Variants in FBXL7 observed in about 807,000 individuals in gnomAD.
FBXL7 encodes F-box/LRR-repeat protein 7.
A neutral mutation model predicts 38.3 loss-of-function variants in FBXL7; 12 were observed. That is an observed-to-expected ratio of 0.31 (90% CI 0.20 to 0.51). The LOEUF (loss-of-function observed/expected upper bound fraction) is 0.51, where lower values mean the gene tolerates loss of function less well. Ranked by LOEUF, FBXL7 falls within the 20% of genes least tolerant of loss-of-function variation. FBXL7 has a pLI of 0.98. For synonymous variants in FBXL7, 297 were observed against 300.9 expected, an observed-to-expected ratio of 0.99 and a Z score of 0.13; for missense variants, 567 against 676.4, an observed-to-expected ratio of 0.84 and a Z score of 1.79.
At chr5:15,933,239 A>G (rs78002336) in intron 3 of FBXL7, among the ~76,000 whole-genome samples, 1 of 152,210 alleles carries the variant, frequency 6.6e-6, no homozygotes, top group Non-Finnish European at 1.5e-5. Context: ...CCTATAAAAT[A>G]GTCTCTTTAC....
At chr5:15,873,869 C>T (rs974164000) in intron 2 of FBXL7, among the ~76,000 whole-genome samples, 1 of 152,184 alleles carries the variant, frequency 6.6e-6, no homozygotes, top group African/African-American at 2.4e-5. Context: ...CCTTCTGAAA[C>T]TATTCCAAAC....
chr5:15,878,864 T>C (rs568699755), intron 2 of FBXL7, among the ~76,000 whole-genome samples: 4 of 152,326 alleles, frequency 2.6e-5, no homozygotes, highest in Admixed American at 2.0e-4. Flanking sequence ...GAACTCTGGC[T>C]ACATCTCCCC....
chr5:15,894,863 T>G (rs1487110426), intron 2 of FBXL7, among the ~76,000 whole-genome samples: 1 of 151,126 alleles, frequency 6.6e-6, no homozygotes, highest in Non-Finnish European at 1.5e-5. Flanking sequence ...TTTTTTAAGG[T>G]TTTTTTTTCT....
chr5:15,743,471 A>T (rs1735940886), intron 2 of FBXL7, among the ~76,000 whole-genome samples: 1 of 152,196 alleles, frequency 6.6e-6, no homozygotes. Flanking sequence ...GGGTGTGCTG[A>T]TGCAAGAGGT....
chr5:15,913,003 A>G (rs6878591), intron 2 of FBXL7, among the ~76,000 whole-genome samples: 90,780 of 152,024 alleles, frequency 0.6, 27,902 homozygotes, highest in East Asian at 0.69. Context: ...TAAGTGTACT[A>G]AGTCTCTTTA....
chr5:15,865,211 G>A (rs1425543618), intron 2 of FBXL7, among the ~76,000 whole-genome samples: 1 of 152,164 alleles, frequency 6.6e-6, no homozygotes, highest in East Asian at 1.9e-4. Flanking sequence ...CAGCTTCTGT[G>A]GGAGAGGAGT....
chr5:15,611,375 T>C (rs1324052569), intron 1 of FBXL7, among the ~76,000 whole-genome samples: 3 of 150,568 alleles, frequency 2.0e-5, no homozygotes, highest in African/African-American at 7.3e-5. Context: ...GACCCCCAAG[T>C]GTAGTGTTGA....
At chr5:15,558,551 G>C (rs1171498895) in intron 1 of FBXL7, among the ~76,000 whole-genome samples, 2 of 152,152 alleles carry the variant, frequency 1.3e-5, no homozygotes, top group East Asian at 3.9e-4. Flanking sequence ...CTGTTCCCAA[G>C]GGATTTACTT....
chr5:15,729,217 C>T (rs1347159280), intron 2 of FBXL7, among the ~76,000 whole-genome samples: 1 of 152,108 alleles, frequency 6.6e-6, no homozygotes, highest in African/African-American at 2.4e-5. Context: ...GGACTATTTC[C>T]ACATGATCCG....
At chr5:15,787,308 A>G (rs1317872080) in intron 2 of FBXL7, among the ~76,000 whole-genome samples, 1 of 152,216 alleles carries the variant, frequency 6.6e-6, no homozygotes, top group African/African-American at 2.4e-5. Context: ...TGCTGAAGTG[A>G]AAGTATTAAA....
At chr5:15,912,754 A>T (rs183345623) in intron 2 of FBXL7, among the ~76,000 whole-genome samples, 390 of 152,098 alleles carry the variant, frequency 2.6e-3, no homozygotes, top group Non-Finnish European at 4.4e-3. Context: ...TGCCTCCCGC[A>T]CTCAGGGACC....
intron 2 of FBXL7, among the ~76,000 whole-genome samples, chr5:15,736,013 G>T (rs1330132543): frequency 2.6e-5 from 4 of 152,198 alleles, no homozygotes; most frequent in Admixed American, 6.5e-5. Context: ...CATGGAATTG[G>T]ATTTGATGGT....
chr5:15,567,499 G>GC (rs1348883154), intron 1 of FBXL7, among the ~76,000 whole-genome samples: 1 of 152,008 alleles, frequency 6.6e-6, no homozygotes, highest in East Asian at 1.9e-4. Context: ...GTGTCTGCTT[G>GC]CACATCAGCA....
chr5:15,861,842 G>A (rs1051045022), intron 2 of FBXL7, among the ~76,000 whole-genome samples: 4 of 152,108 alleles, frequency 2.6e-5, no homozygotes, highest in Non-Finnish European at 2.9e-5. Context: ...TGTTATATCC[G>A]CCATATTCCA....
At chr5:15,731,191 A>G (rs750011784) in intron 2 of FBXL7, among the ~76,000 whole-genome samples, 1 of 152,194 alleles carries the variant, frequency 6.6e-6, no homozygotes, top group Non-Finnish European at 1.5e-5. Flanking sequence ...GGGCTGTGTT[A>G]GTCTGTTTTC....
intron 2 of FBXL7, among the ~76,000 whole-genome samples, chr5:15,874,943 C>A (rs1008115930): frequency 1.3e-5 from 2 of 152,146 alleles, no homozygotes; most frequent in African/African-American, 4.8e-5. Flanking sequence ...GAAAAAAGAG[C>A]CCATATAGCC....
chr5:15,716,604 T>C (rs927456607), intron 2 of FBXL7, among the ~76,000 whole-genome samples: 3 of 152,186 alleles, frequency 2.0e-5, no homozygotes, highest in African/African-American at 7.2e-5. Context: ...CTTTCGGGTC[T>C]GTATATGGGC....
rs73754131 is a variant in FBXL7, at chr5:15,542,197, T to A, written c.37+41484T>A. Among the ~76,000 whole-genome samples the A allele has an allele frequency of 9.7e-3, 1,470 of 152,252 alleles. 24 individuals are homozygous for A. Among genetic ancestry groups the A allele is most frequent in the African/African-American group, 0.033 (1,366 of 41,540 alleles). ...GATGTGTCACTGAAAGTTTTTTTTT[T>A]AAATACCAATTCATTTAAATGTTTA... On this transcript the variant is annotated intron_variant, in intron 1 of 3. Coordinates refer to ENST00000504595, the MANE Select transcript of FBXL7 (RefSeq NM_012304.5).
intron 2 of FBXL7, among the ~76,000 whole-genome samples, chr5:15,655,446 A>G (rs781122757): frequency 2.3e-4 from 35 of 151,774 alleles, no homozygotes; most frequent in Non-Finnish European, 4.3e-4. Flanking sequence ...GTGAGCCGAG[A>G]TCTCGTCACT....
Sources: allele counts gnomAD v4.1 joint callset (sites outside exome capture counted in the v4.1 genomes callset), GRCh38; gene constraint gnomAD v4.1.1; transcripts MANE v1.5; gene names NCBI Gene and HGNC (gene_info 2026-07-23, HGNC 2026-07-21).